Variants in BBS4 observed in about 807,000 individuals in gnomAD.
The protein encoded by BBS4 is BBSome complex member BBS4.
Under a neutral mutation model 71.4 loss-of-function variants are expected in BBS4, and 58 were observed. That is an observed-to-expected ratio of 0.81 (90% CI 0.66 to 1.01). The LOEUF is 1.01. Among genes scored for constraint, BBS4 ranks in the 50% least tolerant of loss-of-function variants. BBS4 has a pLI of 0.00. For synonymous variants in BBS4, 228 were observed against 216.8 expected (o/e 1.05, Z -0.46); for missense variants, 660 against 607.9 (o/e 1.09, Z -0.90).
chr15:72,731,336 C>T lies in BBS4; in HGVS notation c.743C>T (p.Thr248Ile), dbSNP rs1302419942. The change falls in exon 11 of 16, where the codon ACC (threonine) becomes ATC (isoleucine). Residue 248 changes from threonine to isoleucine, a missense_variant. Coordinates refer to ENST00000268057, the MANE Select transcript of BBS4 (RefSeq NM_033028.5). Reference protein sequence around the residue: ...AILAAGSMMQTHGDFDVALTK... With the variant: ...AILAAGSMMQIHGDFDVALTK... Reference sequence around the variant, plus strand: ...TTGGCAGCAGGCAGCATGATGCAGACCCACGGGGACTTTGATGTTGCCCTC... The same window carrying T: ...TTGGCAGCAGGCAGCATGATGCAGATCCACGGGGACTTTGATGTTGCCCTC... 6.2e-7 allele frequency: 1 copy of T among 1,614,050 alleles called. No individual in the cohort carries two copies. The highest frequency in any genetic ancestry group is 2.2e-5 in the East Asian group (1 of 44,872).
At position 72,737,696 on chromosome 15, in the gene BBS4, G is replaced by C. The variant is rs762713815; in HGVS notation, c.*109G>C. The C allele has an allele frequency of 6.7e-6, 6 of 889,402 alleles. No homozygotes were observed. The Admixed American group carries it at 1.2e-4, about 18-fold the overall frequency. The allele number at this position is 889,402 out of a possible 1,614,324, so 55.1% of individuals were successfully genotyped here. On this transcript the variant is annotated 3_prime_UTR_variant, in exon 16 of 16. Coordinates refer to ENST00000268057, the MANE Select transcript of BBS4 (RefSeq NM_033028.5). The stretch of plus-strand genomic sequence containing the variant: ...AGAGTGGCACCCACCACAGAATACA[G>C]TGTGTGTTATTACGAGGAGCCAGCA...
At chr15:72,737,243 T>C (rs2065944161) in intron 15 of BBS4, among the ~76,000 whole-genome samples, 1 of 152,240 alleles carries the variant, frequency 6.6e-6, no homozygotes, top group African/African-American at 2.4e-5. Context: ...TGTTATGCAA[T>C]GTTTAATTTT....
chr15:72,716,685 C>T lies in BBS4; in HGVS notation c.333-93C>T. 4.1e-6 allele frequency: 4 copies of T among 986,546 alleles called. 1 individual carries two copies. In the South Asian group the frequency reaches 4.2e-5, roughly 10 times the overall value. The allele number at this position is 986,546 out of a possible 1,614,324, so 61.1% of individuals were successfully genotyped here. A position where few individuals can be genotyped will look rare whatever the true frequency, so the allele number is the denominator to read the frequency against. On this transcript the variant is annotated intron_variant, in intron 5 of 15. Transcript: ENST00000268057. ...ATAGAGAAAAGGCTTCTAGAATTCT[C>T]TGCTGGATGAAATATGATTAAAATG...
In BBS4 at chr15:72,731,421, T is replaced by C; in HGVS notation, c.828T>C (p.Ile276=). 1 of 1,614,142 alleles carries C rather than the reference T, an allele frequency of 6.2e-7. No individual in the cohort carries two copies. Among genetic ancestry groups the C allele is most frequent in the South Asian group, 1.1e-5 (1 of 91,090 alleles). The change falls in exon 11 of 16, where the codon ATT becomes ATC. Residue 276 remains isoleucine (I), a synonymous_variant. Transcript: ENST00000268057. Reference sequence around the variant, plus strand: ...AAAGTCCTCCACTCTGGAATAACATTGGAATGTGTTTCTTTGGCAAGAAGA... The same window carrying C: ...AAAGTCCTCCACTCTGGAATAACATCGGAATGTGTTTCTTTGGCAAGAAGA... ...VPESPPLWNN[I]GMCFFGKKKY...
At chr15:72,692,927 AT>A (rs986798928) in intron 1 of BBS4, among the ~76,000 whole-genome samples, 1 of 151,854 alleles carries the variant, frequency 6.6e-6, no homozygotes, top group Admixed American at 6.6e-5. Flanking sequence ...GGAGAATTGC[AT>A]TTTTTTCTAC....
chr15:72,718,689 A>G (rs915808270), intron 6 of BBS4, among the ~76,000 whole-genome samples: 2 of 152,186 alleles, frequency 1.3e-5, no homozygotes, highest in Non-Finnish European at 2.9e-5. Flanking sequence ...TCAAAAAATG[A>G]GTATGTCTGC....
intron 12 of BBS4, among the ~76,000 whole-genome samples, chr15:72,733,352 C>CAT (rs1234174050): frequency 3.1e-5 from 2 of 65,410 alleles, no homozygotes; most frequent in Non-Finnish European, 7.8e-5. Context: ...GTTACACAGG[C>CAT]ACGTGTGTCA....
Position 72,718,993 on chromosome 15 carries a change from G to A in BBS4, c.405+2143G>A, listed in dbSNP as rs374558323. On this transcript the variant is annotated intron_variant, in intron 6 of 15. Coordinates refer to ENST00000268057, the MANE Select transcript of BBS4 (RefSeq NM_033028.5). Reference sequence around the variant, plus strand: ...AGTCAGCAACATAAAGGTGGTAATTGAAACCATTAGATTGGTTGACATTAC... The same window carrying A: ...AGTCAGCAACATAAAGGTGGTAATTAAAACCATTAGATTGGTTGACATTAC... 6.6e-5 allele frequency among the ~76,000 whole-genome samples: 10 copies of A among 152,198 alleles called. No individual in the cohort carries two copies. The East Asian group carries it at 1.2e-3, about 18-fold the overall frequency.
rs1567437898 is a variant in BBS4, at chr15:72,738,369, TATG to T, written c.*783_*785del. ...CACTGACCAGATGCTATCAATACAC[TATG>T]TGTCCTTTTTAGAATAAAGATTACA... On this transcript the variant is annotated 3_prime_UTR_variant, in exon 16 of 16. Transcript: ENST00000268057. 1 of 441,644 alleles carries T rather than the reference TATG, an allele frequency of 2.3e-6. No individual in the cohort carries two copies. The highest frequency in any genetic ancestry group is 4.5e-6 in the Non-Finnish European group (1 of 222,532). The allele number at this position is 441,644 out of a possible 1,614,324, so 27.4% of individuals were successfully genotyped here.
chr15:72,711,925 TG>T (rs2065379987), intron 3 of BBS4, among the ~76,000 whole-genome samples: 1 of 152,070 alleles, frequency 6.6e-6, no homozygotes. Context: ...TGGAGTGCAG[TG>T]GCGCTATCTT....
intron 1 of BBS4, among the ~76,000 whole-genome samples, chr15:72,688,963 C>T (rs2064931243): frequency 6.6e-6 from 1 of 151,960 alleles, no homozygotes; most frequent in African/African-American, 2.4e-5. Context: ...CCCTCTCTCT[C>T]ACTAGAGAAA....
chr15:72,690,742 G>A (rs2064969314), intron 1 of BBS4, among the ~76,000 whole-genome samples: 1 of 152,072 alleles, frequency 6.6e-6, no homozygotes, highest in African/African-American at 2.4e-5. Flanking sequence ...GAATTGCTGG[G>A]TTATATTGTT....
chr15:72,688,664 A>G (rs967018591), intron 1 of BBS4, among the ~76,000 whole-genome samples: 1 of 152,076 alleles, frequency 6.6e-6, no homozygotes, highest in Non-Finnish European at 1.5e-5. Flanking sequence ...CGGTCTCCCA[A>G]AGTGTTGGGA....
intron 1 of BBS4, among the ~76,000 whole-genome samples, chr15:72,688,430 T>TC (rs2064918246): frequency 6.9e-6 from 1 of 144,556 alleles, no homozygotes; most frequent in African/African-American, 2.6e-5. Flanking sequence ...TTTTTTTTTT[T>TC]TGAGACGGAG....
intron 12 of BBS4, among the ~76,000 whole-genome samples, chr15:72,733,313 T>C (rs2065862127): frequency 6.7e-6 from 1 of 149,704 alleles, no homozygotes; most frequent in Non-Finnish European, 1.5e-5. Flanking sequence ...AAAAATTTTA[T>C]TTTAGGTTCA....
At chr15:72,713,458 G>A (rs1420627523) in intron 4 of BBS4, among the ~76,000 whole-genome samples, 1 of 152,094 alleles carries the variant, frequency 6.6e-6, no homozygotes, top group Non-Finnish European at 1.5e-5. Flanking sequence ...CATACATGGA[G>A]CTGTCATCTC....
At chr15:72,686,354 T>G (rs1595896994) in intron 1 of BBS4, 103 bp downstream of exon 1, 1 of 1,541,940 alleles carries the variant, frequency 6.5e-7, no homozygotes, top group African/African-American at 1.4e-5. Context: ...CGGAGCTGGG[T>G]GCCGAGCGTC....
intron 8 of BBS4, among the ~76,000 whole-genome samples, chr15:72,725,053 TATATAG>T (rs1461267754): frequency 1.8e-4 from 18 of 102,846 alleles, no homozygotes; most frequent in Admixed American, 6.5e-4. Context: ...TATATATATA[TATATAG>T]AGAGAGAGAG....
intron 1 of BBS4, among the ~76,000 whole-genome samples, chr15:72,694,306 T>G (rs2065038152): frequency 6.6e-6 from 1 of 151,702 alleles, no homozygotes; most frequent in Admixed American, 6.6e-5. Flanking sequence ...TTCTCCTGCC[T>G]CAGCCTCCCA....
Sources: allele counts gnomAD v4.1 joint callset (sites outside exome capture counted in the v4.1 genomes callset), GRCh38; gene constraint gnomAD v4.1.1; transcripts MANE v1.5; gene names NCBI Gene and HGNC (gene_info 2026-07-23, HGNC 2026-07-21).